The following SNTG1 variants were observed in gnomAD, a reference collection of about 807,000 sequenced individuals.
SNTG1 encodes gamma-1-syntrophin.
Under a neutral mutation model 74.7 loss-of-function variants are expected in SNTG1, and 39 were observed. That is an observed-to-expected ratio of 0.52 (90% CI 0.40 to 0.68). The LOEUF is 0.68. SNTG1 is among the 30% of genes least tolerant of loss of function. The pLI, the probability that SNTG1 is intolerant of heterozygous loss-of-function variation, is 0.00. For synonymous variants in SNTG1, 254 were observed against 217.1 expected (o/e 1.17, Z -1.49); for missense variants, 685 against 609.5 (o/e 1.12, Z -1.30).
intron 15 of SNTG1, among the ~76,000 whole-genome samples, chr8:50,696,678 T>G (rs1322856409): frequency 6.6e-6 from 1 of 152,090 alleles, no homozygotes; most frequent in African/African-American, 2.4e-5. Flanking sequence ...CTAGCACCAT[T>G]TATGAAATAA....
At chr8:50,190,739 G>A (rs192617848) in intron 2 of SNTG1, among the ~76,000 whole-genome samples, 92 of 152,196 alleles carry the variant, frequency 6.0e-4, no homozygotes, top group Middle Eastern at 3.4e-3. Flanking sequence ...ACCTCCTGTT[G>A]ACAAACAGCA....
At chr8:50,334,649 T>C (rs1053697596) in intron 2 of SNTG1, among the ~76,000 whole-genome samples, 1 of 152,134 alleles carries the variant, frequency 6.6e-6, no homozygotes, top group Non-Finnish European at 1.5e-5. Flanking sequence ...AGCAACATAG[T>C]GTCAAAGTCC....
intron 10 of SNTG1, among the ~76,000 whole-genome samples, chr8:50,532,235 C>T (rs532987899): frequency 5.9e-5 from 9 of 151,822 alleles, no homozygotes; most frequent in Admixed American, 2.0e-4. Context: ...ATAATAAAAC[C>T]GTATGAAAAC....
intron 2 of SNTG1, among the ~76,000 whole-genome samples, chr8:50,305,037 G>A (rs985974245): frequency 6.6e-6 from 1 of 151,958 alleles, no homozygotes; most frequent in African/African-American, 2.4e-5. Flanking sequence ...CAGGTAGCTG[G>A]GATTACAGGT....
intron 13 of SNTG1, among the ~76,000 whole-genome samples, chr8:50,652,590 C>T (rs1336960392): frequency 3.3e-5 from 5 of 151,988 alleles, no homozygotes; most frequent in Non-Finnish European, 5.9e-5. Flanking sequence ...TGAGGTCAGG[C>T]GTTTCAGACC....
At chr8:50,612,176 A>G (rs1343445396) in intron 13 of SNTG1, among the ~76,000 whole-genome samples, 2 of 152,160 alleles carry the variant, frequency 1.3e-5, no homozygotes, top group Non-Finnish European at 2.9e-5. Flanking sequence ...TTTTGTAATC[A>G]CCTTGTCAAC....
chr8:50,103,400 A>G (rs902204751), intron 1 of SNTG1, among the ~76,000 whole-genome samples: 9 of 152,132 alleles, frequency 5.9e-5, no homozygotes, highest in Non-Finnish European at 8.8e-5. Flanking sequence ...TGATTTTTGT[A>G]CATTGATTTT....
chr8:50,780,484 T>A (rs1267277028), intron 18 of SNTG1, among the ~76,000 whole-genome samples: 1 of 152,234 alleles, frequency 6.6e-6, no homozygotes, highest in African/African-American at 2.4e-5. Context: ...TTCTAGTTTA[T>A]TTGCATAGAG....
chr8:50,782,995 G>T (rs1039764932), intron 18 of SNTG1, among the ~76,000 whole-genome samples: 1 of 152,172 alleles, frequency 6.6e-6, no homozygotes, highest in African/African-American at 2.4e-5. Flanking sequence ...CTGGGTACCA[G>T]CAGCGGTGGC....
rs757109229 is a variant in SNTG1 at position 50,553,172 on chromosome 8, A to G, written c.803A>G (p.Lys268Arg). ...GCAACTAACATTTCAAATCTCACAAAGCACAATGTAAGTAATGATTCAAGG... is the reference window on the plus strand; with the variant it reads ...GCAACTAACATTTCAAATCTCACAAGGCACAATGTAAGTAATGATTCAAGG... The part of the protein sequence containing the change: ...AIATNISNLT[K>R]HNIKKINRNF... The change falls in exon 12 of 19, where the codon AAG (lysine) becomes AGG (arginine). Residue 268 changes from lysine to arginine, a missense_variant. By Grantham distance (26) the Lys-to-Arg change is conservative (BLOSUM62 2). Transcript: ENST00000642720. The G allele has an allele frequency of 1.2e-6, 2 of 1,613,822 alleles. No homozygotes were observed. Among genetic ancestry groups the G allele is most frequent in the African/African-American group, 1.3e-5 (1 of 75,050 alleles).
chr8:50,155,636 T>A (rs564230441), intron 1 of SNTG1, among the ~76,000 whole-genome samples: 20 of 152,130 alleles, frequency 1.3e-4, no homozygotes, highest in African/African-American at 4.8e-4. Context: ...ATAGATAATT[T>A]AAAGATAATA....
At chr8:50,585,715 A>T (rs1219959533) in intron 12 of SNTG1, among the ~76,000 whole-genome samples, 1 of 152,126 alleles carries the variant, frequency 6.6e-6, no homozygotes, top group Non-Finnish European at 1.5e-5. Context: ...TGTATATAAT[A>T]TAGCAGACAC....
At chr8:50,482,439 C>G (rs1436401533) in intron 8 of SNTG1, among the ~76,000 whole-genome samples, 1 of 152,178 alleles carries the variant, frequency 6.6e-6, no homozygotes, top group African/African-American at 2.4e-5. Context: ...GAATTACCCT[C>G]AGTAGTTTTT....
At chr8:50,502,304 C>A (rs2093967087) in intron 8 of SNTG1, among the ~76,000 whole-genome samples, 1 of 152,154 alleles carries the variant, frequency 6.6e-6, no homozygotes, top group South Asian at 2.1e-4. Context: ...TCAATATTGG[C>A]AGAATCAGAT....
intron 13 of SNTG1, among the ~76,000 whole-genome samples, chr8:50,650,020 A>AAAATCATTG (rs1423344050): frequency 6.6e-6 from 1 of 151,886 alleles, no homozygotes; most frequent in Non-Finnish European, 1.5e-5. Context: ...GTAAAAGTAG[A>AAAATCATTG]AAATCATTGA....
chr8:50,029,200 T>C (rs1209722493), intron 1 of SNTG1, among the ~76,000 whole-genome samples: 1 of 152,172 alleles, frequency 6.6e-6, no homozygotes, highest in South Asian at 2.1e-4. Context: ...TATTTTTAAT[T>C]ATTATAGGCT....
At chr8:50,464,293 G>T (rs914377651) in intron 8 of SNTG1, among the ~76,000 whole-genome samples, 1 of 152,136 alleles carries the variant, frequency 6.6e-6, no homozygotes, top group Non-Finnish European at 1.5e-5. Context: ...CTAACTGCTT[G>T]TGCAAGAAGC....
intron 2 of SNTG1, among the ~76,000 whole-genome samples, chr8:50,295,888 C>T (rs2089342693): frequency 6.6e-6 from 1 of 152,122 alleles, no homozygotes; most frequent in Non-Finnish European, 1.5e-5. Flanking sequence ...ATTCTAGAGG[C>T]TTCAACACCT....
At chr8:50,203,323 TCCAGCAGC>T (rs1247166512) in intron 2 of SNTG1, among the ~76,000 whole-genome samples, 3 of 152,176 alleles carry the variant, frequency 2.0e-5, no homozygotes, top group African/African-American at 4.8e-5. Flanking sequence ...ACTTTAGGGC[TCCAGCAGC>T]CCATCCTCCA....
Sources: gnomAD v4.1 joint callset for allele counts (sites outside exome capture counted in the v4.1 genomes callset) on GRCh38, gnomAD v4.1.1 for gene constraint, MANE v1.5 for transcripts, NCBI Gene and HGNC (gene_info 2026-07-23, HGNC 2026-07-21) for gene names.